The following ADARB2 variants were observed in gnomAD, a reference collection of about 807,000 sequenced individuals.
The protein encoded by ADARB2 is adenosine deaminase RNA specific B2 (inactive).
A neutral mutation model predicts 62.2 loss-of-function variants in ADARB2; 25 were observed. The observed-to-expected ratio is 0.40, with a 90% CI of 0.29 to 0.56. ADARB2 has a LOEUF of 0.56. ADARB2 is among the 20% of genes least tolerant of loss of function. ADARB2 has a pLI of 0.43. For missense variants in ADARB2, 1,071 were observed against 1,077.4 expected, an observed-to-expected ratio of 0.99 and a Z score of 0.08; for synonymous variants, 572 against 500.8, an observed-to-expected ratio of 1.14 and a Z score of -1.90.
In ADARB2 at chr10:1,574,520, C is replaced by G. The variant is rs80154307; in HGVS notation, c.100+162531G>C. On this transcript the variant is annotated intron_variant, in intron 1 of 9. Transcript: ENST00000381312. ...TTTGGAGGCTGGGTGAACAGACACT[C>G]CTGTTCCCAGCGTTTTGGAGGCTGG... Among the ~76,000 whole-genome samples, 472 of 152,048 alleles carry G rather than the reference C, an allele frequency of 3.1e-3. 10 individuals carry two copies. In the East Asian group the frequency reaches 0.065, roughly 21 times the overall value.
intron 1 of ADARB2, among the ~76,000 whole-genome samples, chr10:1,504,626 C>A (rs561372014): frequency 5.9e-5 from 9 of 152,156 alleles, no homozygotes; most frequent in African/African-American, 2.2e-4. Flanking sequence ...GCTGACTACA[C>A]GGGTCAGTTG....
chr10:1,455,919 G>A (rs2820631), intron 1 of ADARB2, among the ~76,000 whole-genome samples: 116,645 of 152,086 alleles, frequency 0.77, 45,652 homozygotes, highest in Middle Eastern at 0.86. Context: ...AAAGGGATTC[G>A]TTTTTCTTTA....
intron 3 of ADARB2, among the ~76,000 whole-genome samples, chr10:1,315,179 C>A (rs1340877817): frequency 6.6e-6 from 1 of 152,158 alleles, no homozygotes; most frequent in Non-Finnish European, 1.5e-5. Context: ...TTCTTCCCCT[C>A]AGCGGGGTGG....
chr10:1,421,304 C>A (rs997185327), intron 1 of ADARB2, among the ~76,000 whole-genome samples: 1 of 151,736 alleles, frequency 6.6e-6, no homozygotes, highest in Non-Finnish European at 1.5e-5. Context: ...ATCTGCAGGA[C>A]CTAACCCCAC....
intron 9 of ADARB2, among the ~76,000 whole-genome samples, chr10:1,183,927 C>CGG (rs1486050204): frequency 6.6e-6 from 1 of 152,164 alleles, no homozygotes; most frequent in Non-Finnish European, 1.5e-5. Context: ...AGGCACTCAC[C>CGG]GGGGGGTCAC....
chr10:1,704,932 C>T lies in ADARB2; in HGVS notation c.100+32119G>A, dbSNP rs751606140. Reference sequence around the variant, plus strand: ...GCAGGGGAGACCATGAGGGCGTGGGCACCACCCAGCCATGAGTCTCAGAGG... The same window carrying T: ...GCAGGGGAGACCATGAGGGCGTGGGTACCACCCAGCCATGAGTCTCAGAGG... On this transcript the variant is annotated intron_variant, in intron 1 of 9. Transcript: ENST00000381312. The surrounding 1 kb of genome is among the most constrained non-coding windows in gnomAD (Gnocchi z 5.6). 1.6e-4 allele frequency among the ~76,000 whole-genome samples: 25 copies of T among 152,084 alleles called. No individual in the cohort carries two copies. The highest frequency in any genetic ancestry group is 2.8e-4 in the Non-Finnish European group (19 of 68,024).
At chr10:1,645,748 C>T (rs1308978819) in intron 1 of ADARB2, among the ~76,000 whole-genome samples, 2 of 151,520 alleles carry the variant, frequency 1.3e-5, no homozygotes, top group Non-Finnish European at 2.9e-5. Flanking sequence ...CGAAACTCTG[C>T]AATGTTGAGC....
intron 4 of ADARB2, among the ~76,000 whole-genome samples, chr10:1,260,111 T>TA (rs964730654): frequency 1.6e-4 from 21 of 129,770 alleles, no homozygotes; most frequent in Non-Finnish European, 2.2e-4. Context: ...CCCTTCATGC[T>TA]AAAAAAACCT....
intron 1 of ADARB2, among the ~76,000 whole-genome samples, chr10:1,434,651 G>C (rs1830815385): frequency 6.6e-6 from 1 of 152,160 alleles, no homozygotes; most frequent in Non-Finnish European, 1.5e-5. Context: ...AAACCTCCAT[G>C]ATTTAGCAGC....
chr10:1,543,552 C>T (rs1379000403), intron 1 of ADARB2, among the ~76,000 whole-genome samples: 5 of 152,170 alleles, frequency 3.3e-5, no homozygotes, highest in East Asian at 1.9e-4. Context: ...CGCATTTATT[C>T]GGGCTGGGAG....
At chr10:1,283,124 C>T (rs1589177106) in intron 3 of ADARB2, among the ~76,000 whole-genome samples, 1 of 152,310 alleles carries the variant, frequency 6.6e-6, no homozygotes, top group East Asian at 1.9e-4. Context: ...AGCATGGGAA[C>T]CCTTGGTGTC....
intron 1 of ADARB2, among the ~76,000 whole-genome samples, chr10:1,715,991 C>T (rs907198999): frequency 1.3e-5 from 2 of 152,220 alleles, no homozygotes; most frequent in African/African-American, 4.8e-5. Flanking sequence ...TCACGCCCAG[C>T]TGCTGTATGC....
intron 1 of ADARB2, among the ~76,000 whole-genome samples, chr10:1,384,613 A>G (rs1214976376): frequency 6.6e-6 from 1 of 152,190 alleles, no homozygotes; most frequent in African/African-American, 2.4e-5. Context: ...TGTTCCTGAG[A>G]AAAGGAAAGC....
intron 1 of ADARB2, among the ~76,000 whole-genome samples, chr10:1,550,699 C>A (rs562051975): frequency 6.6e-6 from 1 of 151,962 alleles, no homozygotes; most frequent in Admixed American, 6.6e-5. Flanking sequence ...TTGTTAGGGT[C>A]GTGGGAGCTA....
chr10:1,263,148 G>T (rs1311915296), intron 4 of ADARB2, among the ~76,000 whole-genome samples: 10 of 119,848 alleles, frequency 8.3e-5, no homozygotes, highest in Non-Finnish European at 3.4e-5. Context: ...GGGGGAGGGG[G>T]GAGGGATAGC....
At chr10:1,198,149 G>C (rs1836935475) in intron 8 of ADARB2, among the ~76,000 whole-genome samples, 1 of 152,210 alleles carries the variant, frequency 6.6e-6, no homozygotes, top group Admixed American at 6.5e-5. Flanking sequence ...AATTTTTCAA[G>C]TATATCCTTC....
At chr10:1,264,450 A>G (rs533782742) in intron 4 of ADARB2, among the ~76,000 whole-genome samples, 32 of 152,342 alleles carry the variant, frequency 2.1e-4, no homozygotes, top group African/African-American at 7.5e-4. Flanking sequence ...TGGAAAGAGA[A>G]GTTTTAACTG....
chr10:1,514,178 A>ATATATATAT (rs1831976214), intron 1 of ADARB2, among the ~76,000 whole-genome samples: 4 of 94,156 alleles, frequency 4.2e-5, no homozygotes, highest in African/African-American at 3.4e-5. Context: ...GCTGTCTCAA[A>ATATATATAT]ATATATATAT....
chr10:1,655,721 A>T (rs145151575), intron 1 of ADARB2, among the ~76,000 whole-genome samples: 28 of 152,232 alleles, frequency 1.8e-4, no homozygotes, highest in African/African-American at 6.7e-4. Flanking sequence ...AAATGGCCTC[A>T]TGGGCATGGC....
Sources: gnomAD v4.1 joint callset for allele counts (sites outside exome capture counted in the v4.1 genomes callset) on GRCh38, gnomAD v4.1.1 for gene constraint, Gnocchi (gnomAD v3.1) non-coding constraint, MANE v1.5 for transcripts, NCBI Gene and HGNC (gene_info 2026-07-23, HGNC 2026-07-21) for gene names.